Variants in BMPR1B observed in about 807,000 individuals in gnomAD.
The protein encoded by BMPR1B is bone morphogenetic protein receptor type 1B.
In BMPR1B, 12 loss-of-function variants were observed where a neutral mutation model predicts 59.1. The ratio of observed to expected loss-of-function variants is 0.20; its 90% CI spans 0.13 to 0.33. The LOEUF is 0.33. BMPR1B is among the 10% of genes least tolerant of loss of function. BMPR1B has a pLI of 1.00. For missense variants in BMPR1B, 550 were observed against 610.9 expected (o/e 0.90, Z 1.05); for synonymous variants, 237 against 207.3 (o/e 1.14, Z -1.23).
chr4:94,874,994 A>G (rs1394794663), intron 1 of BMPR1B, among the ~76,000 whole-genome samples: 2 of 152,138 alleles, frequency 1.3e-5, no homozygotes, highest in Non-Finnish European at 2.9e-5. Flanking sequence ...CACCGTCTCA[A>G]AAAAAATAAT....
At chr4:94,786,675 A>G (rs1289210300) in intron 1 of BMPR1B, among the ~76,000 whole-genome samples, 1 of 151,962 alleles carries the variant, frequency 6.6e-6, no homozygotes, top group African/African-American at 2.4e-5. Context: ...AGTAGCTGGG[A>G]CTACAGGCAC....
chr4:94,994,977 G>A (rs2149101830), intron 2 of BMPR1B, among the ~76,000 whole-genome samples: 1 of 152,312 alleles, frequency 6.6e-6, no homozygotes, highest in Admixed American at 6.5e-5. Flanking sequence ...AGATGAGTAA[G>A]TGACCAGAGT....
At position 94,838,162 on chromosome 4, in the gene BMPR1B, A is replaced by T. The variant is rs1373446634; in HGVS notation, c.-182-37669A>T. ...GATGTGCTGCTGGATTCGTTTTGCC[A>T]GTATTTTATTGAGGATTTTTGCATC... On this transcript the variant is annotated intron_variant, in intron 1 of 12. Coordinates refer to ENST00000515059, the MANE Select transcript of BMPR1B (RefSeq NM_001203.3). Among the ~76,000 whole-genome samples, 5 of 134,902 alleles carry T rather than the reference A, an allele frequency of 3.7e-5. No homozygotes were observed. In the East Asian group the frequency reaches 9.9e-4, roughly 27 times the overall value. 88.5% of individuals were successfully genotyped at this position (134,902 alleles called of 152,430 possible).
At chr4:94,836,423 T>C (rs1724822681) in intron 1 of BMPR1B, among the ~76,000 whole-genome samples, 2 of 138,324 alleles carry the variant, frequency 1.4e-5, no homozygotes, top group Admixed American at 1.4e-4. Context: ...GCACCTGTTG[T>C]TTCCTGACTT....
At chr4:94,776,497 T>G (rs35501794) in intron 1 of BMPR1B, among the ~76,000 whole-genome samples, 48,633 of 151,944 alleles carry the variant, frequency 0.32, 8,509 homozygotes, top group African/African-American at 0.47. Context: ...CGAAGTACTC[T>G]TATTCTCTTT....
chr4:95,145,074 C>T (rs1218022283), intron 10 of BMPR1B, among the ~76,000 whole-genome samples: 1 of 151,900 alleles, frequency 6.6e-6, no homozygotes, highest in African/African-American at 2.4e-5. Flanking sequence ...AATGAGACAC[C>T]CATGTAATAT....
At chr4:94,952,715 G>C (rs1729995433) in intron 2 of BMPR1B, among the ~76,000 whole-genome samples, 1 of 152,194 alleles carries the variant, frequency 6.6e-6, no homozygotes, top group African/African-American at 2.4e-5. Context: ...GCTATGTGGT[G>C]CTGAGAAGGG....
chr4:95,033,090 C>T (rs543511829), intron 3 of BMPR1B, among the ~76,000 whole-genome samples: 1 of 152,088 alleles, frequency 6.6e-6, no homozygotes, highest in Admixed American at 6.6e-5. Flanking sequence ...AGCATATTGG[C>T]AGTTCTTATA....
chr4:94,986,891 A>C (rs1358362497), intron 2 of BMPR1B, among the ~76,000 whole-genome samples: 1 of 151,498 alleles, frequency 6.6e-6, no homozygotes, highest in Non-Finnish European at 1.5e-5. Context: ...AATGCAAAAA[A>C]CTAGCCGGGC....
At chr4:94,909,367 A>G (rs1299552539) in intron 2 of BMPR1B, among the ~76,000 whole-genome samples, 1 of 152,018 alleles carries the variant, frequency 6.6e-6, no homozygotes, top group African/African-American at 2.4e-5. Flanking sequence ...GGGAAAAGCA[A>G]GAGTATGAAA....
At chr4:95,107,444 C>G (rs566789135) in intron 4 of BMPR1B, among the ~76,000 whole-genome samples, 1 of 151,752 alleles carries the variant, frequency 6.6e-6, no homozygotes, top group South Asian at 2.1e-4. Flanking sequence ...AAAAAGTAAA[C>G]AAAAATACAG....
chr4:95,140,639 A>G (rs893508152), intron 10 of BMPR1B, among the ~76,000 whole-genome samples: 2 of 151,976 alleles, frequency 1.3e-5, no homozygotes, highest in African/African-American at 2.4e-5. Flanking sequence ...TTGGTATTAT[A>G]ATTATTTTGG....
intron 1 of BMPR1B, among the ~76,000 whole-genome samples, chr4:94,785,640 C>CA (rs1282399969): frequency 6.6e-6 from 1 of 152,104 alleles, no homozygotes; most frequent in Non-Finnish European, 1.5e-5. Flanking sequence ...CTGTGAAAGC[C>CA]AGAGAACTGC....
At chr4:95,122,583 C>T (rs1732609844) in intron 6 of BMPR1B, among the ~76,000 whole-genome samples, 1 of 152,072 alleles carries the variant, frequency 6.6e-6, no homozygotes, top group Non-Finnish European at 1.5e-5. Flanking sequence ...AGTTATAAAT[C>T]AGTATATATT....
At chr4:94,951,400 G>A (rs913131177) in intron 2 of BMPR1B, among the ~76,000 whole-genome samples, 1 of 152,154 alleles carries the variant, frequency 6.6e-6, no homozygotes, top group Non-Finnish European at 1.5e-5. Context: ...TATGATATTG[G>A]CTGTGAGGTT....
At chr4:95,084,948 TGTAGTTATCCTGTTACAC>T (rs1729459509) in intron 3 of BMPR1B, among the ~76,000 whole-genome samples, 1 of 151,864 alleles carries the variant, frequency 6.6e-6, no homozygotes, top group Non-Finnish European at 1.5e-5. Flanking sequence ...CTGCTTGGAG[TGTAGTTATCCTGTTACAC>T]GTGTGACTTG....
intron 2 of BMPR1B, among the ~76,000 whole-genome samples, chr4:94,943,695 C>T (rs1729604828): frequency 6.6e-6 from 1 of 152,168 alleles, no homozygotes; most frequent in South Asian, 2.1e-4. Context: ...GTTTCTCATG[C>T]TCTTCGTGTT....
chr4:95,012,156 T>C (rs558539227), intron 3 of BMPR1B, among the ~76,000 whole-genome samples: 2 of 152,288 alleles, frequency 1.3e-5, no homozygotes, highest in South Asian at 4.1e-4. Flanking sequence ...GTAGGAAAAA[T>C]GGACATTGCT....
chr4:94,817,979 A>C (rs780750935), intron 1 of BMPR1B, among the ~76,000 whole-genome samples: 4 of 152,188 alleles, frequency 2.6e-5, no homozygotes, highest in African/African-American at 9.7e-5. Context: ...GGGAACTTTC[A>C]AAATTAAATC....
Sources: allele counts gnomAD v4.1 joint callset (sites outside exome capture counted in the v4.1 genomes callset), GRCh38; gene constraint gnomAD v4.1.1; transcripts MANE v1.5; gene names NCBI Gene and HGNC (gene_info 2026-07-23, HGNC 2026-07-21).